Variants in EPM2A observed in about 807,000 individuals in gnomAD.
EPM2A encodes the protein laforin.
EPM2A carries 21 observed loss-of-function variants against 26.5 expected under a neutral mutation model. The ratio of observed to expected loss-of-function variants is 0.79; its 90% CI spans 0.56 to 1.14. The LOEUF (loss-of-function observed/expected upper bound fraction) is 1.14. Ranked by LOEUF, EPM2A falls within the 50% of genes most tolerant of loss-of-function variation. The probability of loss-of-function intolerance (pLI) is 0.00; values close to 1 mark genes in which losing one functional copy is unlikely to be tolerated. For missense variants in EPM2A, 458 were observed against 440.8 expected (o/e 1.04, Z -0.35); for synonymous variants, 217 against 177.6 (o/e 1.22, Z -1.76).
intron 2 of EPM2A, among the ~76,000 whole-genome samples, chr6:145,527,522 C>T (rs1013944702): frequency 1.3e-5 from 2 of 151,992 alleles, no homozygotes; most frequent in East Asian, 3.9e-4. Context: ...GAATTGAATC[C>T]TTTATCATTA....
chr6:145,459,282 G>C (rs1347429595), intron 4 of EPM2A, among the ~76,000 whole-genome samples: 1 of 152,194 alleles, frequency 6.6e-6, no homozygotes, highest in East Asian at 1.9e-4. Flanking sequence ...TAGTTGAGAA[G>C]AGGGCTCAGA....
At chr6:145,406,012 ACAACAG>A (rs1778563734) in intron 4 of EPM2A, among the ~76,000 whole-genome samples, 2 of 149,508 alleles carry the variant, frequency 1.3e-5, no homozygotes, top group Admixed American at 6.7e-5. Context: ...ACACACACAC[ACAACAG>A]ACAGACACAC....
In EPM2A at chr6:145,387,096, A is replaced by C. The variant is rs550762367; in HGVS notation, c.556-2999T>G. ...TTCTTCTTAAACTAGATCTCCAATGAAGTAACTGTTTCCTTTTATAAAGTA... is the reference window on the plus strand; with the variant it reads ...TTCTTCTTAAACTAGATCTCCAATGCAGTAACTGTTTCCTTTTATAAAGTA... On this transcript the variant is annotated intron_variant, in intron 4 of 4. Transcript: ENST00000638717. Among the ~76,000 whole-genome samples, 6 of 152,286 alleles carry C rather than the reference A, an allele frequency of 3.9e-5. No homozygotes were observed. The South Asian group carries it at 6.2e-4, about 16-fold the overall frequency.
chr6:145,676,344 C>A (rs917305440), intron 2 of EPM2A, among the ~76,000 whole-genome samples: 1 of 151,920 alleles, frequency 6.6e-6, no homozygotes, highest in South Asian at 2.1e-4. Flanking sequence ...AAATTGACAC[C>A]CTAACATCAC....
intron 2 of EPM2A, chr6:145,637,538 A>T (rs1276709841): frequency 6.6e-6 from 1 of 151,416 alleles, no homozygotes; most frequent in Non-Finnish European, 1.5e-5. Context: ...AGAAATCCTT[A>T]TTGAGGATTA....
chr6:145,726,862 T>A (rs1276339189), intron 1 of EPM2A, among the ~76,000 whole-genome samples: 1 of 152,138 alleles, frequency 6.6e-6, no homozygotes, highest in East Asian at 1.9e-4. Flanking sequence ...TAATGAAATA[T>A]GAATGAAATC....
At chr6:145,534,257 G>C (rs890468322) in intron 2 of EPM2A, among the ~76,000 whole-genome samples, 2 of 152,176 alleles carry the variant, frequency 1.3e-5, no homozygotes, top group African/African-American at 4.8e-5. Flanking sequence ...ACCTGGCTCT[G>C]AATGGGGTCA....
rs74803068 is a variant in EPM2A, at chr6:145,648,224, G to A, written c.477-12738C>T. 2.5e-3 allele frequency among the ~76,000 whole-genome samples: 378 copies of A among 152,120 alleles called. 4 individuals carry two copies. Among genetic ancestry groups the A allele is most frequent in the African/African-American group, 8.5e-3 (354 of 41,496 alleles). ...TAATTCTCCAAAACACTTTTTCTTC[G>A]ACCTTAAGTCTCTTGCATTATGACA... is the stretch of plus-strand genomic sequence containing the variant. On this transcript the variant is annotated intron_variant, in intron 2 of 3. Transcript: ENST00000367519.
chr6:145,545,177 A>G (rs1780567723), intron 2 of EPM2A, among the ~76,000 whole-genome samples: 1 of 144,584 alleles, frequency 6.9e-6, no homozygotes, highest in Non-Finnish European at 1.5e-5. Flanking sequence ...ATTCACTCTT[A>G]TTACTTAGAA....
downstream of EPM2A, among the ~76,000 whole-genome samples, chr6:145,500,218 G>A (rs764391943): frequency 2.0e-5 from 3 of 152,132 alleles, no homozygotes; most frequent in South Asian, 2.1e-4. Context: ...AGAGAGAGTC[G>A]TCAAAACATC....
chr6:145,706,858 T>G (rs1456569420), intron 1 of EPM2A, among the ~76,000 whole-genome samples: 2 of 152,124 alleles, frequency 1.3e-5, no homozygotes, highest in Admixed American at 6.5e-5. Context: ...GCTCCAAAAT[T>G]TATGTTTAAA....
chr6:145,714,151 ATAGT>A (rs1364929925), intron 1 of EPM2A, among the ~76,000 whole-genome samples: 6 of 152,210 alleles, frequency 3.9e-5, no homozygotes, highest in African/African-American at 1.4e-4. Context: ...ATAAGTGTTG[ATAGT>A]TACATAACAT....
intron 4 of EPM2A, among the ~76,000 whole-genome samples, chr6:145,429,214 A>C (rs1167720179): frequency 6.6e-6 from 1 of 152,188 alleles, no homozygotes; most frequent in African/African-American, 2.4e-5. Flanking sequence ...TTCCTAGAAT[A>C]CTGTTCACCT....
chr6:145,513,490 C>T (rs563388664), intron 2 of EPM2A, among the ~76,000 whole-genome samples: 3 of 152,206 alleles, frequency 2.0e-5, no homozygotes, highest in Admixed American at 6.5e-5. Context: ...AATATTATGG[C>T]GATATCTCAA....
intron 4 of EPM2A, among the ~76,000 whole-genome samples, chr6:145,395,079 A>G (rs1778387121): frequency 7.0e-6 from 1 of 142,002 alleles, no homozygotes; most frequent in Non-Finnish European, 1.5e-5. Flanking sequence ...TAACCCCTTC[A>G]GGGCTAAACA....
intron 4 of EPM2A, among the ~76,000 whole-genome samples, chr6:145,436,069 A>G (rs1055334379): frequency 6.6e-6 from 1 of 152,194 alleles, no homozygotes; most frequent in African/African-American, 2.4e-5. Flanking sequence ...ATAGTTTCTC[A>G]GCCCTAAAAA....
chr6:145,731,753 A>C (rs1776499144), intron 1 of EPM2A, among the ~76,000 whole-genome samples: 1 of 151,930 alleles, frequency 6.6e-6, no homozygotes, highest in African/African-American at 2.4e-5. Context: ...TTTTAGAAGA[A>C]ATTTTTTTAA....
intron 2 of EPM2A, among the ~76,000 whole-genome samples, chr6:145,565,841 AAC>A (rs1780877656): frequency 6.6e-6 from 1 of 152,174 alleles, no homozygotes; most frequent in African/African-American, 2.4e-5. Flanking sequence ...GAGGTAAAGA[AAC>A]AGAAATCAAG....
intron 4 of EPM2A, among the ~76,000 whole-genome samples, chr6:145,398,595 CAA>C (rs1778438850): frequency 6.6e-6 from 1 of 152,084 alleles, no homozygotes; most frequent in African/African-American, 2.4e-5. Context: ...TGTCATCTCC[CAA>C]AGTGCTGGGA....
Sources: gnomAD v4.1 joint callset for allele counts (sites outside exome capture counted in the v4.1 genomes callset) on GRCh38, gnomAD v4.1.1 for gene constraint, MANE v1.5 for transcripts, NCBI Gene and HGNC (gene_info 2026-07-23, HGNC 2026-07-21) for gene names.